The following NRXN3 variants were observed in gnomAD, a reference collection of about 807,000 sequenced individuals.
NRXN3 encodes neurexin 3.
In NRXN3, 32 loss-of-function variants were observed where a neutral mutation model predicts 137.6. The observed-to-expected ratio is 0.23, with a 90% CI of 0.18 to 0.31. The LOEUF (loss-of-function observed/expected upper bound fraction) is 0.31, where lower values mean the gene tolerates loss of function less well. Ranked by LOEUF, NRXN3 falls within the 10% of genes least tolerant of loss-of-function variation. NRXN3 has a pLI of 1.00. For missense variants in NRXN3, 1,574 were observed against 2,062.5 expected (o/e 0.76, Z 4.59); for synonymous variants, 798 against 784.5 (o/e 1.02, Z -0.29).
intron 4 of NRXN3, among the ~76,000 whole-genome samples, chr14:78,524,647 A>G (rs969286689): frequency 1.3e-5 from 2 of 152,196 alleles, no homozygotes; most frequent in African/African-American, 2.4e-5. Flanking sequence ...TTTACCTTCA[A>G]GTTAAAACAC....
chr14:78,323,534 G>A (rs1597331280), intron 4 of NRXN3, among the ~76,000 whole-genome samples: 1 of 152,112 alleles, frequency 6.6e-6, no homozygotes, highest in South Asian at 2.1e-4. Flanking sequence ...TGAATGGAAG[G>A]GAGTGGTGTT....
intron 15 of NRXN3, among the ~76,000 whole-genome samples, chr14:79,084,497 T>C (rs2152773363): frequency 6.6e-6 from 1 of 152,262 alleles, no homozygotes; most frequent in African/African-American, 2.4e-5. Context: ...AAAAGTACTG[T>C]CACTCCCCAC....
chr14:79,557,985 CACG>C lies in NRXN3; in HGVS notation c.3444+90586_3444+90588del, dbSNP rs532721280. On this transcript the variant is annotated intron_variant, in intron 16 of 20. Transcript: ENST00000335750. ...CCTTTGTTGTCATTTCAACAGTGTT[CACG>C]ACATGTTTACCAAAAGTAGATTCCA... Among the ~76,000 whole-genome samples the C allele has an allele frequency of 5.8e-4, 89 of 152,210 alleles. 1 individual carries two copies. The South Asian group carries it at 0.017, about 29-fold the overall frequency.
intron 15 of NRXN3, among the ~76,000 whole-genome samples, chr14:79,455,491 T>C (rs1475653382): frequency 1.3e-5 from 2 of 152,232 alleles, no homozygotes; most frequent in African/African-American, 2.4e-5. Context: ...GAAAATTACC[T>C]GTAAAATCAC....
intron 16 of NRXN3, among the ~76,000 whole-genome samples, chr14:79,617,761 C>T (rs2098173373): frequency 6.6e-6 from 1 of 151,874 alleles, no homozygotes. Context: ...GACGAAGTGA[C>T]GTTGGTCAAT....
chr14:78,522,663 G>A (rs17756693), intron 4 of NRXN3, among the ~76,000 whole-genome samples: 3,036 of 152,164 alleles, frequency 0.02, 52 homozygotes, highest in Non-Finnish European at 0.031. Context: ...GTCGGGGTTG[G>A]GCACATATCT....
intron 4 of NRXN3, among the ~76,000 whole-genome samples, chr14:78,336,586 G>A (rs1371193286): frequency 6.6e-6 from 1 of 152,130 alleles, no homozygotes; most frequent in Non-Finnish European, 1.5e-5. Context: ...AACTGAGCAA[G>A]TATATACTCC....
intron 15 of NRXN3, among the ~76,000 whole-genome samples, chr14:79,222,346 G>A (rs1245641838): frequency 6.6e-6 from 1 of 152,066 alleles, no homozygotes; most frequent in African/African-American, 2.4e-5. Flanking sequence ...ACTTTTTATG[G>A]TTCAATAGCT....
chr14:78,635,521 T>C (rs1484555862), intron 4 of NRXN3, among the ~76,000 whole-genome samples: 1 of 152,186 alleles, frequency 6.6e-6, no homozygotes, highest in Non-Finnish European at 1.5e-5. Context: ...TATTTTTCAT[T>C]ATTATTAATT....
At chr14:78,260,735 C>T (rs1045439385) in intron 2 of NRXN3, among the ~76,000 whole-genome samples, 6 of 152,226 alleles carry the variant, frequency 3.9e-5, no homozygotes, top group African/African-American at 1.2e-4. Context: ...TTTCACCTTC[C>T]ACCATGATTA....
chr14:79,617,927 A>AAAAAAAC (rs1306842719), intron 16 of NRXN3, among the ~76,000 whole-genome samples: 1 of 150,858 alleles, frequency 6.6e-6, no homozygotes, highest in African/African-American at 2.5e-5. Flanking sequence ...CAAAAAAAAA[A>AAAAAAAC]AAAAACATGC....
chr14:79,862,023 T>A lies in NRXN3; in HGVS notation c.*59T>A. On this transcript the variant is annotated 3_prime_UTR_variant, in exon 21 of 21. Transcript: ENST00000335750. ...AGTTATTTCTATCCACGCCTATGAA[T>A]CTTTGGACGGTGAGATCTCACAGAT... The A allele has an allele frequency of 1.5e-6, 2 of 1,352,586 alleles. No individual in the cohort carries two copies. The highest frequency in any genetic ancestry group is 2.1e-5 in the Admixed American group (1 of 47,496). The allele number at this position is 1,352,586 out of a possible 1,614,324, so 83.8% of individuals were successfully genotyped here.
At chr14:78,855,189 T>C (rs1240164526) in intron 10 of NRXN3, among the ~76,000 whole-genome samples, 2 of 150,714 alleles carry the variant, frequency 1.3e-5, no homozygotes, top group Non-Finnish European at 3.0e-5. Context: ...ACAAAAAAGG[T>C]ATATATGACT....
chr14:79,808,113 C>G (rs978063281), intron 20 of NRXN3, among the ~76,000 whole-genome samples: 30 of 152,026 alleles, frequency 2.0e-4, no homozygotes, highest in African/African-American at 7.0e-4. Flanking sequence ...TGGCAGGCGC[C>G]TGTAGTCCCA....
chr14:79,258,494 C>G (rs1350812349), intron 15 of NRXN3, among the ~76,000 whole-genome samples: 1 of 152,170 alleles, frequency 6.6e-6, no homozygotes, highest in East Asian at 1.9e-4. Flanking sequence ...CATGAGCCAC[C>G]ACACCTGGCC....
At chr14:79,322,667 A>G (rs1035247555) in intron 15 of NRXN3, among the ~76,000 whole-genome samples, 8 of 152,236 alleles carry the variant, frequency 5.3e-5, no homozygotes, top group Admixed American at 2.0e-4. Context: ...TAAAATAAAC[A>G]TATTAAATAA....
chr14:79,356,010 A>G (rs2093409232), intron 15 of NRXN3, among the ~76,000 whole-genome samples: 1 of 152,208 alleles, frequency 6.6e-6, no homozygotes, highest in Non-Finnish European at 1.5e-5. Context: ...TTCAATAATT[A>G]TTAGAGTATT....
At chr14:79,650,713 T>C (rs966615273) in intron 16 of NRXN3, among the ~76,000 whole-genome samples, 1 of 152,214 alleles carries the variant, frequency 6.6e-6, no homozygotes, top group African/African-American at 2.4e-5. Flanking sequence ...CAATACACAC[T>C]TGATTTCAAA....
At chr14:79,347,278 ATAATACT>A (rs1240441875) in intron 15 of NRXN3, among the ~76,000 whole-genome samples, 7 of 152,148 alleles carry the variant, frequency 4.6e-5, no homozygotes, top group Non-Finnish European at 8.8e-5. Context: ...AAAACTAGAA[ATAATACT>A]TAATGTCTTG....
Sources: gnomAD v4.1 joint callset for allele counts (sites outside exome capture counted in the v4.1 genomes callset) on GRCh38, gnomAD v4.1.1 for gene constraint, MANE v1.5 for transcripts, NCBI Gene and HGNC (gene_info 2026-07-23, HGNC 2026-07-21) for gene names.